SOX1: variants seen among roughly 807,000 people sequenced by gnomAD.
SOX1 encodes the protein SRY-box transcription factor 1.
In SOX1, 1 loss-of-function variant was observed where a neutral mutation model predicts 0.9. That is an observed-to-expected ratio of 1.07 (90% CI 0.38 to 5.06). The LOEUF (loss-of-function observed/expected upper bound fraction) is 5.06, where lower values mean the gene tolerates loss of function less well. SOX1 is among the 30% of genes most tolerant of loss of function. The probability of loss-of-function intolerance (pLI) is 0.16; values close to 1 mark genes in which losing one functional copy is unlikely to be tolerated. For missense variants in SOX1, 564 were observed against 534.4 expected (o/e 1.06, Z -0.55); for synonymous variants, 397 against 265.5 (o/e 1.50, Z -4.81).
chr13:112,068,186 G>A lies in SOX1; in HGVS notation c.528G>A (p.Ala176=). ...VGQRLESPGG[A]AGGGYAHVNG... ...AGCGCCTGGAGAGCCCAGGCGGCGCGGCGGGCGGCGGCTACGCGCACGTCA... is the reference window on the plus strand; with the variant it reads ...AGCGCCTGGAGAGCCCAGGCGGCGCAGCGGGCGGCGGCTACGCGCACGTCA... Residue 176 remains alanine, a synonymous_variant, in exon 1 of 1, where the codon GCG becomes GCA. Transcript: ENST00000330949. This position sits in a 1 kb window ranked among gnomAD's most constrained non-coding sequence, Gnocchi z 6.9. The A allele has an allele frequency of 1.2e-6, 1 of 815,794 alleles. No homozygotes were observed. The highest frequency in any genetic ancestry group is 1.5e-6 in the Non-Finnish European group (1 of 673,856). The allele number at this position is 815,794 out of a possible 1,614,324, so 50.5% of individuals were successfully genotyped here. A position where few individuals can be genotyped will look rare whatever the true frequency, so the allele number is the denominator to read the frequency against.
In SOX1 at chr13:112,068,965, T is replaced by G. The variant is rs1880812162; in HGVS notation, c.*131T>G. The G allele has an allele frequency of 2.2e-5, 15 of 692,400 alleles. No homozygotes were observed. Among genetic ancestry groups the G allele is most frequent in the Non-Finnish European group, 1.6e-5 (8 of 508,090 alleles). 42.9% of individuals were successfully genotyped at this position (692,400 alleles called of 1,614,324 possible). On this transcript the variant is annotated 3_prime_UTR_variant, in exon 1 of 1. Transcript: ENST00000330949. This position sits in a 1 kb window ranked among gnomAD's most constrained non-coding sequence, Gnocchi z 6.9. ...CACATTCTTGTCAAAAGGAAAATAC[T>G]GGAGACGAACGCCGGGTGACGCGTG...
rs1594124170 is a variant in SOX1 at position 112,068,611 on chromosome 13, T to G, written c.953T>G (p.Val318Gly). 2 of 1,133,546 alleles carry G rather than the reference T, an allele frequency of 1.8e-6. No homozygotes were observed. The highest frequency in any genetic ancestry group is 2.2e-6 in the Non-Finnish European group (2 of 927,286). The allele number at this position is 1,133,546 out of a possible 1,614,324, so 70.2% of individuals were successfully genotyped here. Residue 318 changes from valine (V) to glycine (G), a missense_variant, in exon 1 of 1, where the codon GTG becomes GGG. By Grantham distance (109) the Val-to-Gly change is moderately radical. Transcript: ENST00000330949. This position sits in a 1 kb window ranked among gnomAD's most constrained non-coding sequence, Gnocchi z 6.9. ...SGALGALGSLVKSEPSGSPPA... is the reference protein window; with the variant it reads ...SGALGALGSLGKSEPSGSPPA... ...GCCCTGGGCGCGCTGGGCTCTCTGG[T>G]GAAGTCGGAGCCCAGCGGCAGCCCG...
Position 112,068,495 on chromosome 13 carries a change from C to CGCCGCG in SOX1, c.843_848dup (p.Ala287_Ala288dup), listed in dbSNP as rs1485600296. 9 of 1,034,940 alleles carry CGCCGCG rather than the reference C, an allele frequency of 8.7e-6. No homozygotes were observed. The highest frequency in any genetic ancestry group is 1.8e-5 in the African/African-American group (1 of 55,578). 64.1% of individuals were successfully genotyped at this position (1,034,940 alleles called of 1,614,324 possible). A position where few individuals can be genotyped will look rare whatever the true frequency, so the allele number is the denominator to read the frequency against. ...CGGGCTACGGCGGCCTCCCCTACGGCGCCGCGGCCGCCGCCGCCGCCGCTG... is the reference window on the plus strand; with the variant it reads ...CGGGCTACGGCGGCCTCCCCTACGGCGCCGCGGCCGCGGCCGCCGCCGCCGCCGCTG... On this transcript the variant is annotated inframe_insertion, in exon 1 of 1. Coordinates refer to ENST00000330949, the MANE Select transcript of SOX1 (RefSeq NM_005986.3). The surrounding 1 kb of genome is among the most constrained non-coding windows in gnomAD (Gnocchi z 6.9).
rs34561530 is a variant in SOX1 at position 112,070,406 on chromosome 13, G to GT, written c.*1582dup. ...TCTAGGTGTTTATTGGTACATTGCA[G>GT]TTTTTTTTTTGAAATTTAAAAATTT... On this transcript the variant is annotated 3_prime_UTR_variant, in exon 1 of 1. Transcript: ENST00000330949. 0.1 allele frequency: 16,559 copies of GT among 161,586 alleles called. 870 individuals carry two copies. Among genetic ancestry groups the GT allele is most frequent in the South Asian group, 0.15 (708 of 4,704 alleles). 10.0% of individuals were successfully genotyped at this position (161,586 alleles called of 1,614,324 possible).
chr13:112,067,637 G>A lies in SOX1; in HGVS notation c.-22G>A, dbSNP rs749982953. The A allele has an allele frequency of 2.4e-6, 3 of 1,263,028 alleles. No individual in the cohort carries two copies. Among genetic ancestry groups the A allele is most frequent in the South Asian group, 3.3e-5 (1 of 30,710 alleles). 78.2% of individuals were successfully genotyped at this position (1,263,028 alleles called of 1,614,324 possible). A position where few individuals can be genotyped will look rare whatever the true frequency, so the allele number is the denominator to read the frequency against. The stretch of plus-strand genomic sequence containing the variant: ...CTCCAGGCCCTCTCCTCGCGGTGCC[G>A]GTGAACCCGCCAGCCGCCCCGATGT... On this transcript the variant is annotated 5_prime_UTR_variant, in exon 1 of 1. Coordinates refer to ENST00000330949, the MANE Select transcript of SOX1 (RefSeq NM_005986.3). The surrounding 1 kb of genome is among the most constrained non-coding windows in gnomAD (Gnocchi z 5.1).
In SOX1 at chr13:112,071,553, A is replaced by G. The variant is rs142219676; in HGVS notation, c.*2719A>G. 2.6e-5 allele frequency among the ~76,000 whole-genome samples: 4 copies of G among 151,594 alleles called. No homozygotes were observed. The highest frequency in any genetic ancestry group is 1.5e-5 in the Non-Finnish European group (1 of 67,902). ...GCCCCCAGCAGTGTCGCTCCAATTC[A>G]AATTAGTGGAGAAAAGATTACAGTA... On this transcript the variant is annotated 3_prime_UTR_variant, in exon 1 of 1. Transcript: ENST00000330949.
At position 112,068,335 on chromosome 13, in the gene SOX1, C is replaced by G; in HGVS notation, c.677C>G (p.Ala226Gly). Residue 226 changes from alanine to glycine, a missense_variant, in exon 1 of 1, where the codon GCG becomes GGG. Ala to Gly is a moderately conservative substitution (Grantham distance 60). Transcript: ENST00000330949. The surrounding 1 kb of genome is among the most constrained non-coding windows in gnomAD (Gnocchi z 6.9). ...GGCGCGGGCGGCGCGCACCCGCACG[C>G]GCACCCCGCGCACCCGCACCCGCAC... The part of the protein sequence containing the change: ...HPGAGGAHPH[A>G]HPAHPHPHHP... 8.4e-7 allele frequency: 1 copy of G among 1,186,222 alleles called. No individual in the cohort carries two copies. Among genetic ancestry groups the G allele is most frequent in the Non-Finnish European group, 1.1e-6 (1 of 944,030 alleles). The allele number at this position is 1,186,222 out of a possible 1,614,324, so 73.5% of individuals were successfully genotyped here.
At position 112,068,024 on chromosome 13, in the gene SOX1, G is replaced by A. The variant is rs1159083545; in HGVS notation, c.366G>A (p.Pro122=). ...MKEHPDYKYR[P]RRKTKTLLKK... is the part of the protein sequence containing the mutation. The stretch of plus-strand genomic sequence containing the variant: ...AGCACCCGGATTACAAGTACCGGCC[G>A]CGCCGCAAGACCAAGACGCTGCTCA... Residue 122 remains proline (P), a synonymous_variant, in exon 1 of 1, where the codon CCG becomes CCA. Transcript: ENST00000330949. This position sits in a 1 kb window ranked among gnomAD's most constrained non-coding sequence, Gnocchi z 6.9. 3.1e-6 allele frequency: 5 copies of A among 1,605,278 alleles called. No individual in the cohort carries two copies. Among genetic ancestry groups the A allele is most frequent in the East Asian group, 4.5e-5 (2 of 44,436 alleles).
chr13:112,068,192 C>A lies in SOX1; in HGVS notation c.534C>A (p.Gly178=). The A allele has an allele frequency of 1.2e-6, 1 of 805,970 alleles. No individual in the cohort carries two copies. The highest frequency in any genetic ancestry group is 1.5e-6 in the Non-Finnish European group (1 of 664,690). The allele number at this position is 805,970 out of a possible 1,614,324, so 49.9% of individuals were successfully genotyped here. A position where few individuals can be genotyped will look rare whatever the true frequency, so the allele number is the denominator to read the frequency against. The change falls in exon 1 of 1, where the codon GGC becomes GGA. Residue 178 remains glycine, a synonymous_variant. Transcript: ENST00000330949. This position sits in a 1 kb window ranked among gnomAD's most constrained non-coding sequence, Gnocchi z 6.9. ...QRLESPGGAA[G]GGYAHVNGWA... is the part of the protein sequence containing the mutation. ...TGGAGAGCCCAGGCGGCGCGGCGGG[C>A]GGCGGCTACGCGCACGTCAACGGCT...
rs1880773242 is a variant in SOX1 at position 112,068,110 on chromosome 13, CGGCTGT to C, written c.456_461del (p.Val153_Ala154del). The C allele has an allele frequency of 6.9e-7, 1 of 1,456,424 alleles. No homozygotes were observed. Among genetic ancestry groups the C allele is most frequent in the Non-Finnish European group, 9.1e-7 (1 of 1,096,682 alleles). The allele number at this position is 1,456,424 out of a possible 1,614,324, so 90.2% of individuals were successfully genotyped here. The stretch of plus-strand genomic sequence containing the variant: ...GCGGCCGGCGCGGGTGGCGGCGGCG[CGGCTGT>C]GGCCATGGGCGTGGGCGTGGGCGTG... On this transcript the variant is annotated inframe_deletion, in exon 1 of 1. Coordinates refer to ENST00000330949, the MANE Select transcript of SOX1 (RefSeq NM_005986.3). The surrounding 1 kb of genome is among the most constrained non-coding windows in gnomAD (Gnocchi z 6.9).
Position 112,067,751 on chromosome 13 carries a change from C to CG in SOX1, c.98dup (p.Gly34ArgfsTer427). The CG allele has an allele frequency of 8.2e-7, 1 of 1,226,338 alleles. No individual in the cohort carries two copies. Among genetic ancestry groups the CG allele is most frequent in the Non-Finnish European group, 1.0e-6 (1 of 979,192 alleles). 76.0% of individuals were successfully genotyped at this position (1,226,338 alleles called of 1,614,324 possible). On this transcript the variant is annotated frameshift_variant, in exon 1 of 1. Coordinates refer to ENST00000330949, the MANE Select transcript of SOX1 (RefSeq NM_005986.3). LOFTEE classifies it low-confidence loss of function (END_TRUNC). This position sits in a 1 kb window ranked among gnomAD's most constrained non-coding sequence, Gnocchi z 5.1. ...CGGGCCCCGCCGGGGCGGGCGGCGG[C>CG]GGGGGCGGAGGCGGGGGCGGCGGCG...
chr13:112,068,600 G>A lies in SOX1; in HGVS notation c.942G>A (p.Leu314=), dbSNP rs1440147924. ...CGTCGTCGGGCGCCCTGGGCGCGCT[G>A]GGCTCTCTGGTGAAGTCGGAGCCCA... ...AAASSGALGA[L]GSLVKSEPSG... Residue 314 remains leucine (L), a synonymous_variant, in exon 1 of 1, where the codon CTG becomes CTA. Transcript: ENST00000330949. The surrounding 1 kb of genome is among the most constrained non-coding windows in gnomAD (Gnocchi z 6.9). 9 of 1,123,614 alleles carry A rather than the reference G, an allele frequency of 8.0e-6. No individual in the cohort carries two copies. The highest frequency in any genetic ancestry group is 9.8e-6 in the Non-Finnish European group (9 of 920,874). The allele number at this position is 1,123,614 out of a possible 1,614,324, so 69.6% of individuals were successfully genotyped here.
rs1024634292 is a variant in SOX1, at chr13:112,071,533, C to T, written c.*2699C>T. Among the ~76,000 whole-genome samples the T allele has an allele frequency of 2.0e-5, 3 of 152,194 alleles. No homozygotes were observed. The highest frequency in any genetic ancestry group is 3.4e-3 in the Middle Eastern group (1 of 294). On this transcript the variant is annotated 3_prime_UTR_variant, in exon 1 of 1. Transcript: ENST00000330949. ...GATTCTATCCCCCCTTCCCCGCCCC[C>T]AGCAGTGTCGCTCCAATTCAAATTA...
At position 112,069,748 on chromosome 13, in the gene SOX1, G is replaced by A. The variant is rs1880837948; in HGVS notation, c.*914G>A. On this transcript the variant is annotated 3_prime_UTR_variant, in exon 1 of 1. Coordinates refer to ENST00000330949, the MANE Select transcript of SOX1 (RefSeq NM_005986.3). ...TATGAACTAAAAGTAAGGGAACCCC[G>A]GGGAATGGGAGGACAGGATTTTTCA... 1 of 166,258 alleles carries A rather than the reference G, an allele frequency of 6.0e-6. No individual in the cohort carries two copies. Among genetic ancestry groups the A allele is most frequent in the Non-Finnish European group, 1.5e-5 (1 of 67,960 alleles). 10.3% of individuals were successfully genotyped at this position (166,258 alleles called of 1,614,324 possible).
chr13:112,068,501 G>A lies in SOX1; in HGVS notation c.843G>A (p.Ala281=). The change falls in exon 1 of 1, where the codon GCG becomes GCA. Residue 281 remains alanine (A), a synonymous_variant. Transcript: ENST00000330949. The surrounding 1 kb of genome is among the most constrained non-coding windows in gnomAD (Gnocchi z 6.9). The part of the protein sequence containing the change: ...SGYGGLPYGA[A]AAAAAAAGGA... ...ACGGCGGCCTCCCCTACGGCGCCGC[G>A]GCCGCCGCCGCCGCCGCTGCGGGCG... The A allele has an allele frequency of 9.9e-7, 1 of 1,010,394 alleles. No homozygotes were observed. Among genetic ancestry groups the A allele is most frequent in the Non-Finnish European group, 1.2e-6 (1 of 849,512 alleles). 62.6% of individuals were successfully genotyped at this position (1,010,394 alleles called of 1,614,324 possible). A position where few individuals can be genotyped will look rare whatever the true frequency, so the allele number is the denominator to read the frequency against.
chr13:112,067,745 C>T lies in SOX1; in HGVS notation c.87C>T (p.Gly29=). ...ACCTCTCGGGCCCCGCCGGGGCGGG[C>T]GGCGGCGGGGGCGGAGGCGGGGGCG... ...PTNLSGPAGA[G]GGGGGGGGGG... The change falls in exon 1 of 1, where the codon GGC becomes GGT. Residue 29 remains glycine, a synonymous_variant. Transcript: ENST00000330949. The surrounding 1 kb of genome is among the most constrained non-coding windows in gnomAD (Gnocchi z 5.1). The T allele has an allele frequency of 8.2e-7, 1 of 1,219,274 alleles. No homozygotes were observed. The highest frequency in any genetic ancestry group is 1.0e-6 in the Non-Finnish European group (1 of 974,946). The allele number at this position is 1,219,274 out of a possible 1,614,324, so 75.5% of individuals were successfully genotyped here.
Position 112,070,854 on chromosome 13 carries a change from T to G in SOX1, c.*2020T>G, listed in dbSNP as rs1047821436. ...TGTCCACTGCTTTCTAACAAGATAA[T>G]AAACCCCCCCCCTCTTTTCTTTTTC... On this transcript the variant is annotated 3_prime_UTR_variant, in exon 1 of 1. Coordinates refer to ENST00000330949, the MANE Select transcript of SOX1 (RefSeq NM_005986.3). Among the ~76,000 whole-genome samples, 4 of 143,886 alleles carry G rather than the reference T, an allele frequency of 2.8e-5. No individual in the cohort carries two copies. Among genetic ancestry groups the G allele is most frequent in the African/African-American group, 1.1e-4 (4 of 35,444 alleles). The allele number at this position is 143,886 out of a possible 152,430, so 94.4% of individuals were successfully genotyped here. A position where few individuals can be genotyped will look rare whatever the true frequency, so the allele number is the denominator to read the frequency against.
chr13:112,068,505 G>A lies in SOX1; in HGVS notation c.847G>A (p.Ala283Thr). 3 of 991,158 alleles carry A rather than the reference G, an allele frequency of 3.0e-6. No homozygotes were observed. Among genetic ancestry groups the A allele is most frequent in the South Asian group, 4.0e-5 (1 of 25,198 alleles). The allele number at this position is 991,158 out of a possible 1,614,324, so 61.4% of individuals were successfully genotyped here. A position where few individuals can be genotyped will look rare whatever the true frequency, so the allele number is the denominator to read the frequency against. Reference protein sequence around the residue: ...YGGLPYGAAAAAAAAAGGAHQ... With the variant: ...YGGLPYGAAATAAAAAGGAHQ... ...CGGCCTCCCCTACGGCGCCGCGGCC[G>A]CCGCCGCCGCCGCTGCGGGCGGCGC... The change falls in exon 1 of 1, where the codon GCC becomes ACC. Residue 283 changes from alanine to threonine, a missense_variant. Transcript: ENST00000330949. The surrounding 1 kb of genome is among the most constrained non-coding windows in gnomAD (Gnocchi z 6.9).
At position 112,068,963 on chromosome 13, in the gene SOX1, A is replaced by G; in HGVS notation, c.*129A>G. ...CCCACATTCTTGTCAAAAGGAAAAT[A>G]CTGGAGACGAACGCCGGGTGACGCG... On this transcript the variant is annotated 3_prime_UTR_variant, in exon 1 of 1. Transcript: ENST00000330949. The surrounding 1 kb of genome is among the most constrained non-coding windows in gnomAD (Gnocchi z 6.9). 1 of 706,814 alleles carries G rather than the reference A, an allele frequency of 1.4e-6. No homozygotes were observed. Among genetic ancestry groups the G allele is most frequent in the Non-Finnish European group, 1.9e-6 (1 of 520,828 alleles). 43.8% of individuals were successfully genotyped at this position (706,814 alleles called of 1,614,324 possible). A position where few individuals can be genotyped will look rare whatever the true frequency, so the allele number is the denominator to read the frequency against.
Sources: gnomAD v4.1 joint callset for allele counts (sites outside exome capture counted in the v4.1 genomes callset) on GRCh38, gnomAD v4.1.1 for gene constraint, Gnocchi (gnomAD v3.1) non-coding constraint, MANE v1.5 for transcripts, NCBI Gene and HGNC (gene_info 2026-07-23, HGNC 2026-07-21) for gene names.